The following DNAJC5 variants were observed in gnomAD, a reference collection of about 807,000 sequenced individuals.
DNAJC5 encodes dnaJ homolog subfamily C member 5.
A neutral mutation model predicts 23.2 loss-of-function variants in DNAJC5; 1 was observed. The observed-to-expected ratio is 0.04, with a 90% CI of 0.02 to 0.20. The LOEUF is 0.20. Ranked by LOEUF, DNAJC5 falls within the 10% of genes least tolerant of loss-of-function variation. DNAJC5 has a pLI of 1.00. For missense variants in DNAJC5, 180 were observed against 267.0 expected, an observed-to-expected ratio of 0.67 and a Z score of 2.27; for synonymous variants, 136 against 120.0, an observed-to-expected ratio of 1.13 and a Z score of -0.87.
chr20:63,900,619 A>G (rs1251644544), intron 1 of DNAJC5, among the ~76,000 whole-genome samples: 2 of 150,972 alleles, frequency 1.3e-5, no homozygotes, highest in Non-Finnish European at 2.9e-5. Flanking sequence ...GTATTGATCA[A>G]TAATTTCCTC....
intron 1 of DNAJC5, among the ~76,000 whole-genome samples, chr20:63,924,941 G>A (rs2053599961): frequency 6.6e-6 from 1 of 152,240 alleles, no homozygotes; most frequent in African/African-American, 2.4e-5. Context: ...CTCATGTACC[G>A]CACTCAAGAT....
intron 1 of DNAJC5, among the ~76,000 whole-genome samples, chr20:63,912,217 C>T (rs1160244177): frequency 6.6e-6 from 1 of 151,454 alleles, no homozygotes; most frequent in Non-Finnish European, 1.5e-5. Context: ...GCAGGAGAAT[C>T]GCTTGAACCC....
intron 1 of DNAJC5, among the ~76,000 whole-genome samples, chr20:63,904,615 C>T (rs867373427): frequency 6.6e-6 from 1 of 152,162 alleles, no homozygotes; most frequent in Non-Finnish European, 1.5e-5. Flanking sequence ...TGTAAACCTG[C>T]TCTGGTTAAG....
Position 63,929,440 on chromosome 20 carries a change from A to G in DNAJC5, c.236A>G (p.Tyr79Cys). 1.2e-6 allele frequency: 2 copies of G among 1,614,202 alleles called. No individual in the cohort carries two copies. The highest frequency in any genetic ancestry group is 8.5e-7 in the Non-Finnish European group (1 of 1,180,036). ...ACAAAAAGGAACATCTACGACAAGT[A>G]CGGCTCGCTGGGTCTCTACGTGGCC... ...DATKRNIYDK[Y>C]GSLGLYVAEQ... The change falls in exon 3 of 5, where the codon TAC (tyrosine) becomes TGC (cysteine). Residue 79 changes from tyrosine (Y) to cysteine (C), a missense_variant. Around this residue, in one of 3 missense-constraint regions of DNAJC5, gnomAD observed 77 missense variants for 106.8 expected, o/e 0.72. Transcript: ENST00000360864. This position sits in a 1 kb window ranked among gnomAD's most constrained non-coding sequence, Gnocchi z 8.6.
At chr20:63,924,420 T>A (rs531564924) in intron 1 of DNAJC5, among the ~76,000 whole-genome samples, 196 of 152,224 alleles carry the variant, frequency 1.3e-3, no homozygotes, top group Non-Finnish European at 2.4e-3. Flanking sequence ...AAGGTCTCAC[T>A]GTGTCACCCA....
Position 63,929,433 on chromosome 20 carries a change from G to A in DNAJC5, c.229G>A (p.Asp77Asn), listed in dbSNP as rs762638579. The stretch of plus-strand genomic sequence containing the variant: ...GGACGCCACAAAAAGGAACATCTAC[G>A]ACAAGTACGGCTCGCTGGGTCTCTA... ...LTDATKRNIYDKYGSLGLYVA... is the reference protein window; with the variant it reads ...LTDATKRNIYNKYGSLGLYVA... The change falls in exon 3 of 5, where the codon GAC becomes AAC. Residue 77 changes from aspartate to asparagine, a missense_variant. Physicochemically the swap from Asp to Asn is conservative, Grantham distance 23. This residue lies in a region of DNAJC5 where 77 missense variants were observed against 106.8 expected (regional missense o/e 0.72). Coordinates refer to ENST00000360864, the MANE Select transcript of DNAJC5 (RefSeq NM_025219.3). The surrounding 1 kb of genome is among the most constrained non-coding windows in gnomAD (Gnocchi z 8.6). The A allele has an allele frequency of 8.1e-6, 13 of 1,614,088 alleles. No individual in the cohort carries two copies. Among genetic ancestry groups the A allele is most frequent in the Admixed American group, 6.7e-5 (4 of 60,014 alleles).
At chr20:63,899,330 A>G (rs1206443434) in intron 1 of DNAJC5, among the ~76,000 whole-genome samples, 1 of 152,202 alleles carries the variant, frequency 6.6e-6, no homozygotes, top group Non-Finnish European at 1.5e-5. Context: ...TATCAGTCAC[A>G]GGCAGTTCAA....
At chr20:63,921,884 T>C (rs2053576432) in intron 1 of DNAJC5, among the ~76,000 whole-genome samples, 1 of 151,922 alleles carries the variant, frequency 6.6e-6, no homozygotes, top group South Asian at 2.1e-4. Context: ...GTTCAAGCCA[T>C]CCTCCTGCCT....
At chr20:63,916,384 G>A (rs1466864462) in intron 1 of DNAJC5, among the ~76,000 whole-genome samples, 6 of 152,186 alleles carry the variant, frequency 3.9e-5, no homozygotes, top group Admixed American at 2.0e-4. Context: ...ATCACATATC[G>A]GTAGGGCCGC....
At position 63,929,765 on chromosome 20, in the gene DNAJC5, C is replaced by CGAGTCACTCCTGCCGTGCGGGCACCT; in HGVS notation, c.321+241_321+242insAGTCACTCCTGCCGTGCGGGCACCTG. On this transcript the variant is annotated intron_variant, in intron 3 of 4. Coordinates refer to ENST00000360864, the MANE Select transcript of DNAJC5 (RefSeq NM_025219.3). The surrounding 1 kb of genome is among the most constrained non-coding windows in gnomAD (Gnocchi z 8.6). ...GAGTCTCTCCTGCCATGTGGGCACC[C>CGAGTCACTCCTGCCGTGCGGGCACCT]GGGTCACTCCACGCCTGCAGGGTTC... 7.4e-6 allele frequency among the ~76,000 whole-genome samples: 1 copy of CGAGTCACTCCTGCCGTGCGGGCACCT among 135,336 alleles called. No homozygotes were observed. The highest frequency in any genetic ancestry group is 2.6e-5 in the African/African-American group (1 of 37,838). The allele number at this position is 135,336 out of a possible 152,430, so 88.8% of individuals were successfully genotyped here.
At position 63,929,421 on chromosome 20, in the gene DNAJC5, A is replaced by G. The variant is rs777340985; in HGVS notation, c.217A>G (p.Arg73Gly). 3.1e-6 allele frequency: 5 copies of G among 1,614,214 alleles called. No homozygotes were observed. Among genetic ancestry groups the G allele is most frequent in the Non-Finnish European group, 2.5e-6 (3 of 1,180,044 alleles). ...CGCCATCCTCACGGACGCCACAAAA[A>G]GGAACATCTACGACAAGTACGGCTC... ...AHAILTDATKRNIYDKYGSLG... is the reference protein window; with the variant it reads ...AHAILTDATKGNIYDKYGSLG... The change falls in exon 3 of 5, where the codon AGG becomes GGG. Residue 73 changes from arginine (R) to glycine (G), a missense_variant. Physicochemically the swap from Arg to Gly is moderately radical, Grantham distance 125. Around this residue, in one of 3 missense-constraint regions of DNAJC5, gnomAD observed 77 missense variants for 106.8 expected, o/e 0.72. Transcript: ENST00000360864. The surrounding 1 kb of genome is among the most constrained non-coding windows in gnomAD (Gnocchi z 8.6).
At chr20:63,910,833 C>T (rs913990185) in intron 1 of DNAJC5, among the ~76,000 whole-genome samples, 3 of 151,774 alleles carry the variant, frequency 2.0e-5, no homozygotes, top group Admixed American at 6.6e-5. Flanking sequence ...CCACCACACC[C>T]GGCTAATTTT....
chr20:63,900,055 AT>A (rs1162844707), intron 1 of DNAJC5, among the ~76,000 whole-genome samples: 1 of 151,032 alleles, frequency 6.6e-6, no homozygotes, highest in African/African-American at 2.4e-5. Context: ...CACCCGGCTA[AT>A]TTTTGTATTT....
In DNAJC5 at chr20:63,935,934, A is replaced by G. The variant is rs929020189; in HGVS notation, c.*4366A>G. ...GCTCGAGCACACACATCTAAGGGCC[A>G]GGCTGGTTCCGCATGGTGATCTCCG... On this transcript the variant is annotated 3_prime_UTR_variant, in exon 5 of 5. Coordinates refer to ENST00000360864, the MANE Select transcript of DNAJC5 (RefSeq NM_025219.3). 5.3e-5 allele frequency: 8 copies of G among 152,230 alleles called. No individual in the cohort carries two copies. The highest frequency in any genetic ancestry group is 1.2e-4 in the Non-Finnish European group (8 of 68,046). 9.4% of individuals were successfully genotyped at this position (152,230 alleles called of 1,614,324 possible). A position where few individuals can be genotyped will look rare whatever the true frequency, so the allele number is the denominator to read the frequency against.
intron 1 of DNAJC5, among the ~76,000 whole-genome samples, chr20:63,923,627 A>G (rs933417223): frequency 1.3e-5 from 2 of 152,008 alleles, no homozygotes; most frequent in African/African-American, 4.8e-5. Context: ...CAGGAGGCTG[A>G]GGTGGGGGGA....
At chr20:63,913,791 C>G (rs1359902483) in intron 1 of DNAJC5, among the ~76,000 whole-genome samples, 1 of 152,140 alleles carries the variant, frequency 6.6e-6, no homozygotes, top group African/African-American at 2.4e-5. Context: ...TGTTGACCAC[C>G]TGGTCTCAAA....
At chr20:63,907,080 C>T (rs936377364) in intron 1 of DNAJC5, among the ~76,000 whole-genome samples, 3 of 152,122 alleles carry the variant, frequency 2.0e-5, no homozygotes, top group Non-Finnish European at 2.9e-5. Context: ...TATAGTGAGA[C>T]TCTGTCTCTA....
intron 1 of DNAJC5, among the ~76,000 whole-genome samples, chr20:63,918,564 T>C (rs1186271044): frequency 6.6e-6 from 1 of 152,242 alleles, no homozygotes; most frequent in Non-Finnish European, 1.5e-5. Flanking sequence ...GGGATCATGG[T>C]GTTTATGCGT....
At chr20:63,906,842 A>T (rs1374288060) in intron 1 of DNAJC5, among the ~76,000 whole-genome samples, 2 of 151,908 alleles carry the variant, frequency 1.3e-5, no homozygotes, top group Non-Finnish European at 2.9e-5. Context: ...CATCGCTCGC[A>T]CCTGTAATCC....
Sources: allele counts gnomAD v4.1 joint callset (sites outside exome capture counted in the v4.1 genomes callset), GRCh38; gene constraint gnomAD v4.1.1; regional missense constraint gnomAD v4.1.1; non-coding constraint Gnocchi (gnomAD v3.1); transcripts MANE v1.5; gene names NCBI Gene and HGNC (gene_info 2026-07-23, HGNC 2026-07-21).